Variants in WAPL observed in about 807,000 individuals in gnomAD.
WAPL encodes the protein WAPL cohesin release factor.
Under a neutral mutation model 121.0 loss-of-function variants are expected in WAPL, and 5 were observed. The ratio of observed to expected loss-of-function variants is 0.04; its 90% CI spans 0.02 to 0.09. The LOEUF is 0.09. Ranked by LOEUF, WAPL falls within the 10% of genes least tolerant of loss-of-function variation. The probability of loss-of-function intolerance (pLI) is 1.00; values close to 1 mark genes in which losing one functional copy is unlikely to be tolerated. For synonymous variants in WAPL, 480 were observed against 481.5 expected (o/e 1.00, Z 0.04); for missense variants, 999 against 1,410.8 (o/e 0.71, Z 4.68).
chr10:86,494,723 T>G (rs1842119074), intron 4 of WAPL, among the ~76,000 whole-genome samples: 1 of 152,200 alleles, frequency 6.6e-6, no homozygotes, highest in Non-Finnish European at 1.5e-5. Flanking sequence ...TATGGGTAAA[T>G]GCCCATTCAA....
chr10:86,468,787 A>T (rs1345824463), intron 8 of WAPL, among the ~76,000 whole-genome samples: 1 of 151,440 alleles, frequency 6.6e-6, no homozygotes, highest in Non-Finnish European at 1.5e-5. Flanking sequence ...ACATGGTGAA[A>T]CCCCATCTCT....
intron 2 of WAPL, 98 bp downstream of exon 2, chr10:86,517,473 A>C (rs1842578635): frequency 7.0e-7 from 1 of 1,432,366 alleles, no homozygotes; most frequent in Admixed American, 2.5e-5. Flanking sequence ...TCATAAGTGC[A>C]GAAAGAAAAC....
At position 86,515,898 on chromosome 10, in the gene WAPL, CT is replaced by C. The variant is rs1197048706; in HGVS notation, c.499+1672del. On this transcript the variant is annotated intron_variant, in intron 2 of 18. Coordinates refer to ENST00000298767, the MANE Select transcript of WAPL (RefSeq NM_015045.5). ...TTTTTTTTTTTGAGATGGCATCTTGCTTTGTTGCCCAGGCTGGAGTGCAGTG... is the reference window on the plus strand; with the variant it reads ...TTTTTTTTTTTGAGATGGCATCTTGCTTGTTGCCCAGGCTGGAGTGCAGTG... Among the ~76,000 whole-genome samples, 25 of 77,786 alleles carry C rather than the reference CT, an allele frequency of 3.2e-4. 1 individual carries two copies. In the Middle Eastern group the frequency reaches 0.09, roughly 279 times the overall value. The allele number at this position is 77,786 out of a possible 152,430, so 51.0% of individuals were successfully genotyped here.
Position 86,472,483 on chromosome 10 carries a change from T to A in WAPL, c.1893+129A>T. The A allele has an allele frequency of 6.7e-7, 1 of 1,503,486 alleles. No homozygotes were observed. The highest frequency in any genetic ancestry group is 8.9e-7 in the Non-Finnish European group (1 of 1,120,422). The allele number at this position is 1,503,486 out of a possible 1,614,324, so 93.1% of individuals were successfully genotyped here. ...AATATTTTTAGAACAAGGATGATGG[T>A]AGGACAAAAGAAGTTTGTGGTTCAA... On this transcript the variant is annotated intron_variant, in intron 6 of 18. Transcript: ENST00000298767. The surrounding 1 kb of genome is among the most constrained non-coding windows in gnomAD (Gnocchi z 4.2).
At position 86,474,513 on chromosome 10, in the gene WAPL, C is replaced by CAA. The variant is rs11380209; in HGVS notation, c.1645-542_1645-541dup. 2.7e-3 allele frequency among the ~76,000 whole-genome samples: 346 copies of CAA among 129,880 alleles called. 3 individuals carry two copies. Among genetic ancestry groups the CAA allele is most frequent in the Middle Eastern group, 7.9e-3 (2 of 252 alleles). The allele number at this position is 129,880 out of a possible 152,430, so 85.2% of individuals were successfully genotyped here. A position where few individuals can be genotyped will look rare whatever the true frequency, so the allele number is the denominator to read the frequency against. On this transcript the variant is annotated intron_variant, in intron 4 of 18. Transcript: ENST00000298767. Reference sequence around the variant, plus strand: ...TGGGTGACAGAGTGAGACTCCGTCTCAAAAAAAAAAAAAAAAGGTAAACCT... The same window carrying CAA: ...TGGGTGACAGAGTGAGACTCCGTCTCAAAAAAAAAAAAAAAAAAGGTAAACCT...
chr10:86,497,111 T>A (rs778064219), intron 4 of WAPL, 90 bp downstream of exon 4: 20 of 1,039,144 alleles, frequency 1.9e-5, no homozygotes, highest in Non-Finnish European at 2.9e-5. Flanking sequence ...GTTGCTATGA[T>A]GTTTATTAGT....
intron 2 of WAPL, among the ~76,000 whole-genome samples, chr10:86,511,373 C>T (rs1413190420): frequency 2.6e-5 from 4 of 152,196 alleles, no homozygotes; most frequent in Non-Finnish European, 5.9e-5. Flanking sequence ...TGCAAAATAA[C>T]TTTATTTCCA....
chr10:86,447,276 T>A (rs1206327676), intron 15 of WAPL, among the ~76,000 whole-genome samples: 4 of 152,242 alleles, frequency 2.6e-5, no homozygotes, highest in Non-Finnish European at 5.9e-5. Context: ...AAAAGCTCTC[T>A]GGATTTCCCA....
chr10:86,521,306 G>T (rs1027327242), intron 1 of WAPL, 59 bp downstream of exon 1: 43 of 251,266 alleles, frequency 1.7e-4, no homozygotes, highest in Non-Finnish European at 2.7e-4. Context: ...CCCAGCCTCT[G>T]CCTCCCCCAC....
intron 4 of WAPL, among the ~76,000 whole-genome samples, chr10:86,482,401 A>G (rs1401486681): frequency 6.6e-6 from 1 of 152,228 alleles, no homozygotes; most frequent in Non-Finnish European, 1.5e-5. Flanking sequence ...ATGTGAATAT[A>G]TATGTATGTA....
chr10:86,513,999 A>G (rs900842595), intron 2 of WAPL, among the ~76,000 whole-genome samples: 2 of 152,234 alleles, frequency 1.3e-5, no homozygotes, highest in African/African-American at 4.8e-5. Context: ...AAAAGAGTTC[A>G]AAACTTTATC....
intron 4 of WAPL, among the ~76,000 whole-genome samples, chr10:86,490,021 C>G (rs1202515155): frequency 6.6e-6 from 1 of 152,016 alleles, no homozygotes; most frequent in South Asian, 2.1e-4. Flanking sequence ...TCAAGATCAG[C>G]CTGGCAAACA....
At chr10:86,504,232 T>G (rs3858280) in intron 2 of WAPL, among the ~76,000 whole-genome samples, 129,371 of 151,508 alleles carry the variant, frequency 0.85, 55,892 homozygotes, top group Non-Finnish European at 0.92. Context: ...TTAAAATATA[T>G]ATCTATAATG....
chr10:86,446,873 A>C (rs1849634360), intron 15 of WAPL, among the ~76,000 whole-genome samples: 1 of 152,248 alleles, frequency 6.6e-6, no homozygotes, highest in Non-Finnish European at 1.5e-5. Flanking sequence ...CCAAGTTACT[A>C]GAAAGAATTG....
chr10:86,455,443 A>G (rs1228295485), intron 12 of WAPL, among the ~76,000 whole-genome samples: 2 of 152,124 alleles, frequency 1.3e-5, no homozygotes, highest in African/African-American at 4.8e-5. Context: ...GATTAAGGGC[A>G]GTGCAAGATG....
At chr10:86,456,490 CTATT>C (rs1300597465) in intron 12 of WAPL, among the ~76,000 whole-genome samples, 1 of 151,550 alleles carries the variant, frequency 6.6e-6, no homozygotes, top group Non-Finnish European at 1.5e-5. Flanking sequence ...TCTAAAGACA[CTATT>C]TAAATCACCA....
chr10:86,513,482 G>A (rs1490050245), intron 2 of WAPL, among the ~76,000 whole-genome samples: 3 of 151,692 alleles, frequency 2.0e-5, no homozygotes, highest in Admixed American at 6.6e-5. Context: ...ACAGACATGC[G>A]CCACCACACC....
intron 3 of WAPL, 73 bp downstream of exon 3, chr10:86,499,645 G>C: frequency 6.8e-7 from 1 of 1,474,196 alleles, no homozygotes; most frequent in Non-Finnish European, 9.1e-7. Flanking sequence ...TTGGGTAATT[G>C]AAACCACAGA....
chr10:86,483,530 A>C (rs1375010894), intron 4 of WAPL, among the ~76,000 whole-genome samples: 1 of 152,114 alleles, frequency 6.6e-6, no homozygotes, highest in Non-Finnish European at 1.5e-5. Context: ...CTATATTTTA[A>C]CCATTTTAGA....
Sources: gnomAD v4.1 joint callset for allele counts (sites outside exome capture counted in the v4.1 genomes callset) on GRCh38, gnomAD v4.1.1 for gene constraint, Gnocchi (gnomAD v3.1) non-coding constraint, MANE v1.5 for transcripts, NCBI Gene and HGNC (gene_info 2026-07-23, HGNC 2026-07-21) for gene names.